PLAT: variants seen among roughly 807,000 people sequenced by gnomAD.
PLAT encodes the protein plasminogen activator, tissue type.
PLAT carries 48 observed loss-of-function variants against 74.9 expected under a neutral mutation model. That is an observed-to-expected ratio of 0.64 (90% confidence interval 0.51 to 0.82). The LOEUF is 0.82. Ranked by LOEUF, PLAT falls within the 40% of genes least tolerant of loss-of-function variation. The pLI, the probability that PLAT is intolerant of heterozygous loss-of-function variation, is 0.00. For missense variants in PLAT, 673 were observed against 736.2 expected, an observed-to-expected ratio of 0.91 and a Z score of 0.99; for synonymous variants, 307 against 294.4, an observed-to-expected ratio of 1.04 and a Z score of -0.44.
chr8:42,203,936 G>A (rs1806228722), intron 1 of PLAT, among the ~76,000 whole-genome samples: 1 of 148,626 alleles, frequency 6.7e-6, no homozygotes, highest in South Asian at 2.1e-4. Flanking sequence ...CTGCACTCCA[G>A]CCTGGGTGAT....
At position 42,202,314 on chromosome 8, in the gene PLAT, C is replaced by T. The variant is rs148169938; in HGVS notation, c.-27+5180G>A. ...GCTCCCAAAGTGCTGGGATTACAGG[C>T]AGGAGCTGTGTGCCCGGCCTCTGTT... On this transcript the variant is annotated intron_variant, in intron 1 of 13. Coordinates refer to ENST00000220809, the MANE Select transcript of PLAT (RefSeq NM_000930.5). Among the ~76,000 whole-genome samples, 34 of 152,154 alleles carry T rather than the reference C, an allele frequency of 2.2e-4. No homozygotes were observed. In the East Asian group the frequency reaches 5.2e-3, roughly 23 times the overall value.
At chr8:42,193,061 TC>T in intron 2 of PLAT, 52 bp downstream of exon 2, 1 of 1,287,918 alleles carries the variant, frequency 7.8e-7, no homozygotes, top group Non-Finnish European at 1.1e-6. Context: ...CCCTGGAGCC[TC>T]CGGAAGCATC....
chr8:42,190,588 G>A (rs1805645567), intron 3 of PLAT, among the ~76,000 whole-genome samples: 1 of 152,204 alleles, frequency 6.6e-6, no homozygotes, highest in Admixed American at 6.5e-5. Flanking sequence ...TAGGAAGCAG[G>A]ATGCCATCCA....
At chr8:42,204,477 G>A (rs144399865) in intron 1 of PLAT, among the ~76,000 whole-genome samples, 210 of 152,304 alleles carry the variant, frequency 1.4e-3, no homozygotes, top group African/African-American at 4.5e-3. Flanking sequence ...GGTGGCTCAC[G>A]CCTGTAATCC....
Position 42,194,993 on chromosome 8 carries a change from C to T in PLAT, c.-26-1782G>A, listed in dbSNP as rs544605753. Among the ~76,000 whole-genome samples the T allele has an allele frequency of 6.6e-5, 10 of 152,298 alleles. No homozygotes were observed. In the South Asian group the frequency reaches 1.2e-3, roughly 19 times the overall value. On this transcript the variant is annotated intron_variant, in intron 1 of 13. Transcript: ENST00000220809. ...CCTCGGCAGCTAAAAGTAGGTTAGT[C>T]GGCCGGGTGTTATTTTGTGGTCTGG... is the stretch of plus-strand genomic sequence containing the variant.
At chr8:42,198,771 A>G (rs1806016177) in intron 1 of PLAT, among the ~76,000 whole-genome samples, 1 of 152,260 alleles carries the variant, frequency 6.6e-6, no homozygotes, top group Non-Finnish European at 1.5e-5. Flanking sequence ...ATTGTTGCTT[A>G]GCAAAAGGTC....
At chr8:42,181,870 A>T in intron 9 of PLAT, 67 bp downstream of exon 9, 1 of 935,918 alleles carries the variant, frequency 1.1e-6, no homozygotes, top group Admixed American at 1.8e-5. Context: ...GAAGGCCTAG[A>T]AAGTGGCGAG....
intron 6 of PLAT, chr8:42,186,763 CATCT>C (rs199862343): frequency 0.02 from 3,035 of 152,082 alleles, 89 homozygotes; most frequent in African/African-American, 0.068. Context: ...ATCTGTCTAT[CATCT>C]ATCTATCTAT....
At chr8:42,207,356 TTCTAGCGGATCC>T (rs1806382887) in intron 1 of PLAT, 126 bp downstream of exon 1, 1 of 152,264 alleles carries the variant, frequency 6.6e-6, no homozygotes, top group Non-Finnish European at 1.5e-5. Context: ...CTGGAGTGGA[TTCTAGCGGATCC>T]TCTAGTTGCC....
At position 42,180,250 on chromosome 8, in the gene PLAT, T is replaced by TG; in HGVS notation, c.1213_1214insC (p.Asn405ThrfsTer2). ...GAATGACGAGCTCTTACCAATGTCATTGTCGTAAGTGTCATCATCGAATTC... is the reference window on the plus strand; with the variant it reads ...GAATGACGAGCTCTTACCAATGTCATGTGTCGTAAGTGTCATCATCGAATTC... On this transcript the variant is annotated frameshift_variant, in exon 11 of 14. Coordinates refer to ENST00000220809, the MANE Select transcript of PLAT (RefSeq NM_000930.5). LOFTEE classifies it high-confidence loss of function. 1.9e-6 allele frequency: 3 copies of TG among 1,614,236 alleles called. No individual in the cohort carries two copies. Among genetic ancestry groups the TG allele is most frequent in the Non-Finnish European group, 2.5e-6 (3 of 1,180,022 alleles).
At position 42,176,077 on chromosome 8, in the gene PLAT, C is replaced by G; in HGVS notation, c.1605G>C (p.Leu535=). Residue 535 remains leucine, a synonymous_variant, in exon 14 of 14, where the codon CTG becomes CTC. Transcript: ENST00000220809. ...MTLVGIISWG[L]GCGQKDVPGV... ...CCGGGACATCCTTCTGTCCACAGCC[C>G]AGGCCCCAGCTGATGATGCCCACCA... 1 of 1,614,050 alleles carries G rather than the reference C, an allele frequency of 6.2e-7. No homozygotes were observed. Among genetic ancestry groups the G allele is most frequent in the Non-Finnish European group, 8.5e-7 (1 of 1,179,938 alleles).
chr8:42,189,914 TTTTC>T (rs1210844334), intron 3 of PLAT, among the ~76,000 whole-genome samples: 2 of 146,020 alleles, frequency 1.4e-5, no homozygotes, highest in Non-Finnish European at 3.0e-5. Flanking sequence ...TTTTCTTTTC[TTTTC>T]TTTTTCTTTT....
In PLAT at chr8:42,191,234, G is replaced by C. The variant is rs752201085; in HGVS notation, c.115+138C>G. ...TGGTGCCGACACAGGCATCTCTGTAGAATCATGCTGCAATGGCACTGTCAC... is the reference window on the plus strand; with the variant it reads ...TGGTGCCGACACAGGCATCTCTGTACAATCATGCTGCAATGGCACTGTCAC... On this transcript the variant is annotated intron_variant, in intron 3 of 13. Coordinates refer to ENST00000220809, the MANE Select transcript of PLAT (RefSeq NM_000930.5). 1.6e-4 allele frequency: 115 copies of C among 734,380 alleles called. 1 individual carries two copies. In the Middle Eastern group the frequency reaches 3.6e-3, roughly 23 times the overall value. 45.5% of individuals were successfully genotyped at this position (734,380 alleles called of 1,614,324 possible).
In PLAT at chr8:42,180,299, C is replaced by T. The variant is rs1805179101; in HGVS notation, c.1165G>A (p.Val389Ile). Residue 389 changes from valine to isoleucine, a missense_variant, in exon 11 of 14, where the codon GTC (valine) becomes ATC (isoleucine). Physicochemically the swap from Val to Ile is conservative, Grantham distance 29 (BLOSUM62 3). Transcript: ENST00000220809. Reference sequence around the variant, plus strand: ...TCCTTATGGACAATGTATTTTTCGACTTCAAATTTCTGCTCCTCCTCGCCA... The same window carrying T: ...TCCTTATGGACAATGTATTTTTCGATTTCAAATTTCTGCTCCTCCTCGCCA... ...VPGEEEQKFEVEKYIVHKEFD... is the reference protein window; with the variant it reads ...VPGEEEQKFEIEKYIVHKEFD... 1 of 1,614,130 alleles carries T rather than the reference C, an allele frequency of 6.2e-7. No individual in the cohort carries two copies. The highest frequency in any genetic ancestry group is 1.7e-5 in the Admixed American group (1 of 60,016).
chr8:42,205,636 G>A (rs1376444413), intron 1 of PLAT, among the ~76,000 whole-genome samples: 1 of 152,190 alleles, frequency 6.6e-6, no homozygotes, highest in Non-Finnish European at 1.5e-5. Context: ...AGACTCAGAA[G>A]AATGAAGCCT....
At position 42,175,848 on chromosome 8, in the gene PLAT, T is replaced by C. The variant is rs1804947258; in HGVS notation, c.*145A>G. ...ATGGGAAGTATCTGGGAAAATGCAC[T>C]CTTCCCTCTCCTGTAGGGTCTCGTC... On this transcript the variant is annotated 3_prime_UTR_variant, in exon 14 of 14. Transcript: ENST00000220809. The C allele has an allele frequency of 2.9e-6, 2 of 698,260 alleles. No homozygotes were observed. The highest frequency in any genetic ancestry group is 3.6e-5 in the African/African-American group (2 of 55,786). The allele number at this position is 698,260 out of a possible 1,614,324, so 43.3% of individuals were successfully genotyped here. A position where few individuals can be genotyped will look rare whatever the true frequency, so the allele number is the denominator to read the frequency against.
chr8:42,179,878 C>T, intron 12 of PLAT, 48 bp downstream of exon 12: 1 of 1,499,642 alleles, frequency 6.7e-7, no homozygotes, highest in Non-Finnish European at 8.9e-7. Context: ...CCGCAGCCTC[C>T]CCTGCTGTCC....
rs1805846202 is a variant in PLAT, at chr8:42,194,875, A to C, written c.-26-1664T>G. On this transcript the variant is annotated intron_variant, in intron 1 of 13. Transcript: ENST00000220809. ...TCCGGCAATGTGCATATTTGCAGGA[A>C]GGAGGGGAGGCAAATGATGTTTGGT... is the stretch of plus-strand genomic sequence containing the variant. 1.3e-5 allele frequency among the ~76,000 whole-genome samples: 2 copies of C among 149,610 alleles called. 1 individual carries two copies. Among genetic ancestry groups the C allele is most frequent in the South Asian group, 4.3e-4 (2 of 4,668 alleles).
At chr8:42,200,563 G>A (rs1806089009) in intron 1 of PLAT, among the ~76,000 whole-genome samples, 2 of 151,498 alleles carry the variant, frequency 1.3e-5, no homozygotes, top group African/African-American at 4.9e-5. Context: ...TGTAGTCCCA[G>A]CTACTTGGGA....
Sources: gnomAD v4.1 joint callset for allele counts (sites outside exome capture counted in the v4.1 genomes callset) on GRCh38, gnomAD v4.1.1 for gene constraint, MANE v1.5 for transcripts, NCBI Gene and HGNC (gene_info 2026-07-23, HGNC 2026-07-21) for gene names.